Variants in BTN2A1 observed in about 807,000 individuals in gnomAD.
BTN2A1 encodes butyrophilin subfamily 2 member A1.
Under a neutral mutation model 34.5 loss-of-function variants are expected in BTN2A1, and 41 were observed. The observed-to-expected ratio is 1.19, with a 90% CI of 0.93 to 1.54. BTN2A1 has a LOEUF of 1.54. Ranked by LOEUF, BTN2A1 falls within the 40% of genes most tolerant of loss-of-function variation. The pLI is 0.00. For synonymous variants in BTN2A1, 267 were observed against 258.6 expected, an observed-to-expected ratio of 1.03 and a Z score of -0.31; for missense variants, 642 against 662.0, an observed-to-expected ratio of 0.97 and a Z score of 0.33.
chr6:26,459,318 G>T (rs532286371), intron 2 of BTN2A1, among the ~76,000 whole-genome samples, 163 bp from the exon 3 acceptor site: 1 of 152,306 alleles, frequency 6.6e-6, no homozygotes, highest in Non-Finnish European at 1.5e-5. Flanking sequence ...GCTCCCAGGG[G>T]TGCTGTCGAC....
Position 26,465,269 on chromosome 6 carries a change from T to C in BTN2A1, c.797T>C (p.Ile266Thr). The C allele has an allele frequency of 6.2e-7, 1 of 1,614,078 alleles. No homozygotes were observed. Among genetic ancestry groups the C allele is most frequent in the South Asian group, 1.1e-5 (1 of 91,084 alleles). ...CTGATGATACCCATTGCCGTATGCA[T>C]CTATTGGATCAACAAACTCCAAAAG... The part of the protein sequence containing the change: ...VILMIPIAVC[I>T]YWINKLQKEK... Residue 266 changes from isoleucine to threonine, a missense_variant, in exon 5 of 8, where the codon ATC (isoleucine) becomes ACC (threonine). By Grantham distance (89) the Ile-to-Thr change is moderately conservative. Transcript: ENST00000312541.
intron 2 of BTN2A1, 109 bp downstream of exon 2, chr6:26,458,827 A>T (rs1470169643): frequency 7.3e-7 from 1 of 1,365,424 alleles, no homozygotes; most frequent in Non-Finnish European, 1.0e-6. Context: ...TTACCCTTTC[A>T]TTCTGAACAT....
chr6:26,458,355 T>C (rs934025502), intron 1 of BTN2A1, among the ~76,000 whole-genome samples: 9 of 152,096 alleles, frequency 5.9e-5, no homozygotes, highest in Non-Finnish European at 1.3e-4. Flanking sequence ...CAGCGACAAC[T>C]GAAGAAACTG....
downstream of BTN2A1, among the ~76,000 whole-genome samples, chr6:26,472,194 C>T (rs747353606): frequency 1.6e-4 from 25 of 152,122 alleles, no homozygotes; most frequent in Admixed American, 2.6e-4. Flanking sequence ...AGTCCATATT[C>T]TAGATAAGAG....
chr6:26,463,778 T>G (rs1447399651), intron 4 of BTN2A1, among the ~76,000 whole-genome samples: 1 of 150,488 alleles, frequency 6.6e-6, no homozygotes. Context: ...TGTTGTTGTT[T>G]TTCCCCCCAA....
chr6:26,459,733 T>A lies in BTN2A1; in HGVS notation c.335T>A (p.Ile112Lys). Residue 112 changes from isoleucine (I) to lysine (K), a missense_variant, in exon 3 of 8, where the codon ATA becomes AAA. Physicochemically the swap from Ile to Lys is moderately radical, Grantham distance 102. Coordinates refer to ENST00000312541, the MANE Select transcript of BTN2A1 (RefSeq NM_007049.5). Reference sequence around the variant, plus strand: ...AGCAGGGGCAGCGTGGCCCTGGTCATACACAACATCACAGCCCAGGAAAAC... The same window carrying A: ...AGCAGGGGCAGCGTGGCCCTGGTCAAACACAACATCACAGCCCAGGAAAAC... ...DISRGSVALV[I>K]HNITAQENGT... The A allele has an allele frequency of 6.2e-7, 1 of 1,614,124 alleles. No homozygotes were observed. The highest frequency in any genetic ancestry group is 8.5e-7 in the Non-Finnish European group (1 of 1,180,004).
chr6:26,471,712 G>T (rs1763455133), downstream of BTN2A1, among the ~76,000 whole-genome samples: 1 of 152,196 alleles, frequency 6.6e-6, no homozygotes, highest in African/African-American at 2.4e-5. Context: ...AGATGAAGTT[G>T]TTAATTTCTG....
In BTN2A1 at chr6:26,468,697, A is replaced by G. The variant is rs759921475; in HGVS notation, c.*148A>G. On this transcript the variant is annotated 3_prime_UTR_variant, in exon 8 of 8. Transcript: ENST00000312541. Reference sequence around the variant, plus strand: ...GCTGCCTCTTTCACACCCACTACAGACCTCAGCCCCAGTTTTCTCCTCCTC... The same window carrying G: ...GCTGCCTCTTTCACACCCACTACAGGCCTCAGCCCCAGTTTTCTCCTCCTC... 6.2e-7 allele frequency: 1 copy of G among 1,612,990 alleles called. No homozygotes were observed. Among genetic ancestry groups the G allele is most frequent in the South Asian group, 1.1e-5 (1 of 90,266 alleles).
rs1185215901 is a variant in BTN2A1, at chr6:26,468,001, G to A, written c.1036G>A (p.Asp346Asn). 1 of 1,614,222 alleles carries A rather than the reference G, an allele frequency of 6.2e-7. No homozygotes were observed. The highest frequency in any genetic ancestry group is 8.5e-7 in the Non-Finnish European group (1 of 1,180,038). The change falls in exon 8 of 8, where the codon GAC (aspartate) becomes AAC (asparagine). Residue 346 changes from aspartate (D) to asparagine (N), a missense_variant. Asp to Asn is a conservative substitution (Grantham distance 23). Transcript: ENST00000312541. ...TAHPDLFLSEDRRSVRRCPFR... is the reference protein window; with the variant it reads ...TAHPDLFLSENRRSVRRCPFR... ...TCATCCCGATCTCTTCCTGTCAGAG[G>A]ACCGGAGAAGTGTGAGAAGGTGCCC...
intron 4 of BTN2A1, 27 bp downstream of exon 4, chr6:26,463,552 TCGA>T: frequency 6.2e-7 from 1 of 1,601,030 alleles, no homozygotes; most frequent in Non-Finnish European, 8.5e-7. Context: ...CTGAGACTCG[TCGA>T]GTGCATGGGG....
chr6:26,474,066 A>T (rs896428961), downstream of BTN2A1, among the ~76,000 whole-genome samples: 2 of 152,250 alleles, frequency 1.3e-5, no homozygotes, highest in African/African-American at 4.8e-5. Context: ...AATTGTGTTA[A>T]ATTAAACTAA....
downstream of BTN2A1, among the ~76,000 whole-genome samples, chr6:26,473,320 C>G (rs1413361366): frequency 6.6e-6 from 1 of 151,824 alleles, no homozygotes; most frequent in Non-Finnish European, 1.5e-5. Flanking sequence ...GAGTGAGAAA[C>G]AAATACACAT....
Position 26,465,967 on chromosome 6 carries a change from G to C in BTN2A1, c.949G>C (p.Glu317Gln). Residue 317 changes from glutamate to glutamine, a missense_variant, in exon 6 of 8, where the codon GAA (glutamate) becomes CAA (glutamine). Physicochemically the swap from Glu to Gln is conservative, Grantham distance 29. Transcript: ENST00000312541. ...TTGTTTTTCAGAGAAACTTCAAGAA[G>C]AATTGCGTAAGTTTAGCCTTTCCTT... ...ELQVKEKLQE[E>Q]LRWRRTFLHA... 6.2e-7 allele frequency: 1 copy of C among 1,614,222 alleles called. No homozygotes were observed. The highest frequency in any genetic ancestry group is 8.5e-7 in the Non-Finnish European group (1 of 1,180,022).
At chr6:26,460,500 A>T (rs1763139035) in intron 3 of BTN2A1, among the ~76,000 whole-genome samples, 1 of 152,156 alleles carries the variant, frequency 6.6e-6, no homozygotes, top group African/African-American at 2.4e-5. Flanking sequence ...TTTTGCTGGG[A>T]GGTAATAGGG....
downstream of BTN2A1, among the ~76,000 whole-genome samples, chr6:26,472,442 T>G (rs1309319478): frequency 6.6e-6 from 1 of 152,214 alleles, no homozygotes; most frequent in African/African-American, 2.4e-5. Context: ...AAATTCAAAC[T>G]GTTGTAGTAT....
chr6:26,465,096 TGAG>T, intron 4 of BTN2A1, 86 bp from the exon 5 acceptor site: 2 of 1,066,510 alleles, frequency 1.9e-6, no homozygotes, highest in African/African-American at 1.6e-5. Context: ...AGCAGGTGGC[TGAG>T]GAGCTCTTCA....
At chr6:26,461,681 G>A (rs1763167817) in intron 3 of BTN2A1, among the ~76,000 whole-genome samples, 1 of 152,150 alleles carries the variant, frequency 6.6e-6, no homozygotes, top group African/African-American at 2.4e-5. Flanking sequence ...TACTTGGGAG[G>A]CTGAGGCCAG....
At position 26,465,302 on chromosome 6, in the gene BTN2A1, A is replaced by C. The variant is rs532388107; in HGVS notation, c.830A>C (p.Lys277Thr). 2 of 1,614,204 alleles carry C rather than the reference A, an allele frequency of 1.2e-6. No homozygotes were observed. Among genetic ancestry groups the C allele is most frequent in the South Asian group, 2.2e-5 (2 of 91,082 alleles). ...ATCAACAAACTCCAAAAGGAAAAAAAGATTCTGTCAGGGGAAAAGGAGTTT... is the reference window on the plus strand; with the variant it reads ...ATCAACAAACTCCAAAAGGAAAAAACGATTCTGTCAGGGGAAAAGGAGTTT... ...YWINKLQKEK[K>T]ILSGEKEFER... The change falls in exon 5 of 8, where the codon AAG becomes ACG. Residue 277 changes from lysine to threonine, a missense_variant. By Grantham distance (78) the Lys-to-Thr change is moderately conservative. Transcript: ENST00000312541.
At chr6:26,473,940 A>T (rs1035542144), downstream of BTN2A1, among the ~76,000 whole-genome samples, 4 of 151,970 alleles carry the variant, frequency 2.6e-5, no homozygotes, top group Non-Finnish European at 5.9e-5. Flanking sequence ...CCTCTGAGCC[A>T]ATCAAAACAC....
Sources: allele counts gnomAD v4.1 joint callset (sites outside exome capture counted in the v4.1 genomes callset), GRCh38; gene constraint gnomAD v4.1.1; transcripts MANE v1.5; gene names NCBI Gene and HGNC (gene_info 2026-07-23, HGNC 2026-07-21).